Variants in CLINT1 observed in about 807,000 individuals in gnomAD.
CLINT1 encodes the protein clathrin interactor 1, also known as clathrin interacting protein localized in the trans-Golgi region.
In CLINT1, 15 loss-of-function variants were observed where a neutral mutation model predicts 70.4. The observed-to-expected ratio is 0.21, with a 90% CI of 0.14 to 0.33. The LOEUF is 0.33. CLINT1 is among the 10% of genes least tolerant of loss of function. The pLI, the probability that CLINT1 is intolerant of heterozygous loss-of-function variation, is 1.00. For synonymous variants in CLINT1, 227 were observed against 254.7 expected (o/e 0.89, Z 1.04); for missense variants, 615 against 778.1 (o/e 0.79, Z 2.49).
Position 157,786,767 on chromosome 5 carries a change from C to CA in CLINT1, c.*878dup, listed in dbSNP as rs886669667. 2.6e-4 allele frequency: 38 copies of CA among 147,604 alleles called. No individual in the cohort carries two copies. Among genetic ancestry groups the CA allele is most frequent in the East Asian group, 7.8e-4 (4 of 5,108 alleles). 9.1% of individuals were successfully genotyped at this position (147,604 alleles called of 1,614,324 possible). ...ATGGATTTTTACCTTTGCAGACACC[C>CA]AAAAAAAAAATAAAATAAATATTTT... On this transcript the variant is annotated 3_prime_UTR_variant, in exon 12 of 12. Transcript: ENST00000411809.
chr5:157,809,612 CAA>C lies in CLINT1; in HGVS notation c.695+14_695+15del. The C allele has an allele frequency of 1.1e-5, 18 of 1,579,152 alleles. No homozygotes were observed. The highest frequency in any genetic ancestry group is 1.5e-5 in the Non-Finnish European group (18 of 1,166,446). On this transcript the variant is annotated intron_variant, in intron 6 of 11. Coordinates refer to ENST00000411809, the MANE Select transcript of CLINT1 (RefSeq NM_014666.4). ...GGCTCTTTCTAAGAGACCCGGGAGA[CAA>C]AGTGGTAAAATACCTGCATCTTTCT... is the stretch of plus-strand genomic sequence containing the variant.
At position 157,809,654 on chromosome 5, in the gene CLINT1, A is replaced by G. The variant is rs1200864782; in HGVS notation, c.669T>C (p.Asp223=). 4 of 1,611,864 alleles carry G rather than the reference A, an allele frequency of 2.5e-6. No homozygotes were observed. Among genetic ancestry groups the G allele is most frequent in the Middle Eastern group, 1.7e-4 (1 of 6,056 alleles). The change falls in exon 6 of 12, where the codon GAT becomes GAC. Residue 223 remains aspartate, a synonymous_variant. Transcript: ENST00000411809. ...DDTISKFRRK[D]REDSPERCSD... is the part of the protein sequence containing the mutation. ...TGCATCTTTCTGGAGAGTCTTCTCT[A>G]TCTTTCCTCCGGAACTTGCTGATGG...
At chr5:157,796,846 A>G (rs1049991574) in intron 8 of CLINT1, among the ~76,000 whole-genome samples, 1 of 152,030 alleles carries the variant, frequency 6.6e-6, no homozygotes, top group Non-Finnish European at 1.5e-5. Flanking sequence ...GGCATAACTA[A>G]TTCCTCATTT....
chr5:157,830,760 CTCTCT>C (rs1763204135), intron 1 of CLINT1, among the ~76,000 whole-genome samples: 9 of 53,784 alleles, frequency 1.7e-4, no homozygotes, highest in African/African-American at 6.8e-4. Context: ...CTCTCTCCCT[CTCTCT>C]CTCTCTCTCT....
intron 1 of CLINT1, among the ~76,000 whole-genome samples, chr5:157,836,097 A>C (rs148842755): frequency 6.6e-6 from 1 of 152,280 alleles, no homozygotes; most frequent in East Asian, 1.9e-4. Flanking sequence ...ATTACCACAG[A>C]AGAACTGTAC....
rs756998186 is a variant in CLINT1, at chr5:157,858,952, C to G, written c.19G>C (p.Val7Leu). The G allele has an allele frequency of 6.2e-7, 1 of 1,611,910 alleles. No homozygotes were observed. The highest frequency in any genetic ancestry group is 8.5e-7 in the Non-Finnish European group (1 of 1,179,108). Residue 7 changes from valine (V) to leucine (L), a missense_variant, in exon 1 of 12, where the codon GTG becomes CTG. By Grantham distance (32) the Val-to-Leu change is conservative. Around this residue, in one of 2 missense-constraint regions of CLINT1, gnomAD observed 241 missense variants for 368.6 expected, o/e 0.65. Coordinates refer to ENST00000411809, the MANE Select transcript of CLINT1 (RefSeq NM_014666.4). ...CACGCTTTGTCCACCAGCTCGCGCA[C>G]CTTCCACATGTTCAACATCGTGCCC... MLNMWK[V>L]RELVDKATNV... is the part of the protein sequence containing the mutation.
chr5:157,859,007 C>T lies in CLINT1; in HGVS notation c.-37G>A, dbSNP rs1753855408. On this transcript the variant is annotated 5_prime_UTR_variant, in exon 1 of 12. Transcript: ENST00000411809. ...CGGGACGGTCCGCCGCCTCCCTCTC[C>T]TGCTCCCCACGGACCCCGGAACACT... 4.3e-6 allele frequency: 7 copies of T among 1,609,630 alleles called. No homozygotes were observed. Among genetic ancestry groups the T allele is most frequent in the African/African-American group, 2.7e-5 (2 of 74,820 alleles).
chr5:157,847,755 T>A (rs577145821), intron 1 of CLINT1, among the ~76,000 whole-genome samples: 47 of 152,152 alleles, frequency 3.1e-4, no homozygotes, highest in African/African-American at 5.1e-4. Context: ...GCAAAATAAG[T>A]GGTTTCTTGA....
chr5:157,795,533 G>A (rs1326182535), intron 8 of CLINT1: 2 of 152,258 alleles, frequency 1.3e-5, no homozygotes, highest in Non-Finnish European at 2.9e-5. Flanking sequence ...GAATGTCCTT[G>A]TAAAGAGATA....
intron 5 of CLINT1, among the ~76,000 whole-genome samples, chr5:157,811,742 T>C (rs769787075): frequency 1.3e-5 from 2 of 152,142 alleles, no homozygotes; most frequent in African/African-American, 2.4e-5. Flanking sequence ...TTAGCTGATA[T>C]AATTATATAT....
intron 6 of CLINT1, among the ~76,000 whole-genome samples, chr5:157,808,496 A>G (rs1469218318): frequency 5.9e-5 from 9 of 152,140 alleles, no homozygotes; most frequent in Admixed American, 4.6e-4. Context: ...TAAACAACAA[A>G]GACAAAATTC....
intron 1 of CLINT1, among the ~76,000 whole-genome samples, chr5:157,822,115 T>C (rs1341835421): frequency 1.3e-5 from 2 of 152,198 alleles, no homozygotes; most frequent in African/African-American, 2.4e-5. Context: ...TCCCACGTGT[T>C]GTGGGAGGGA....
At chr5:157,839,959 T>G (rs1753093989) in intron 1 of CLINT1, among the ~76,000 whole-genome samples, 1 of 151,346 alleles carries the variant, frequency 6.6e-6, no homozygotes, top group Admixed American at 6.6e-5. Flanking sequence ...GCACCATGGC[T>G]CACTCCTAGC....
At position 157,792,707 on chromosome 5, in the gene CLINT1, A is replaced by G. The variant is rs138220657; in HGVS notation, c.1088-712T>C. ...ATTAAAAAACACAACCAAGCCAGAA[A>G]CAAGCAAAACCCTATCATACTTTGC... On this transcript the variant is annotated intron_variant, in intron 9 of 11. Coordinates refer to ENST00000411809, the MANE Select transcript of CLINT1 (RefSeq NM_014666.4). 7.1e-4 allele frequency among the ~76,000 whole-genome samples: 108 copies of G among 152,340 alleles called. No individual in the cohort carries two copies. The Middle Eastern group carries it at 0.017, about 24-fold the overall frequency.
chr5:157,845,721 T>G (rs1421647378), intron 1 of CLINT1, among the ~76,000 whole-genome samples: 2 of 151,842 alleles, frequency 1.3e-5, no homozygotes, highest in African/African-American at 4.8e-5. Flanking sequence ...CCGGCTAATT[T>G]TTTTTTGTAT....
At chr5:157,838,392 G>A (rs1431622521) in intron 1 of CLINT1, among the ~76,000 whole-genome samples, 3 of 152,100 alleles carry the variant, frequency 2.0e-5, no homozygotes, top group Non-Finnish European at 2.9e-5. Context: ...CAAAATGCTG[G>A]GATTACAGGC....
At chr5:157,817,620 A>C in intron 1 of CLINT1, 73 bp from the exon 2 acceptor site, 1 of 971,166 alleles carries the variant, frequency 1.0e-6, no homozygotes, top group South Asian at 1.4e-5. Context: ...TGAAAACTTA[A>C]TAATGACACT....
chr5:157,836,711 C>A (rs1763436094), intron 1 of CLINT1, among the ~76,000 whole-genome samples: 1 of 152,176 alleles, frequency 6.6e-6, no homozygotes, highest in African/African-American at 2.4e-5. Context: ...CAGGACCTTG[C>A]TTATTCTAAA....
intron 1 of CLINT1, among the ~76,000 whole-genome samples, chr5:157,847,615 G>C (rs993320763): frequency 2.0e-5 from 3 of 152,210 alleles, no homozygotes; most frequent in Non-Finnish European, 4.4e-5. Context: ...CAAGACTTCA[G>C]TGACGGACGT....
Sources: gnomAD v4.1 joint callset for allele counts (sites outside exome capture counted in the v4.1 genomes callset) on GRCh38, gnomAD v4.1.1 for gene constraint, gnomAD v4.1.1 regional missense constraint, MANE v1.5 for transcripts, NCBI Gene and HGNC (gene_info 2026-07-23, HGNC 2026-07-21) for gene names.